The following ZNF730 variants were observed in gnomAD, a reference collection of about 807,000 sequenced individuals.
ZNF730 encodes the protein putative zinc finger protein 730.
In ZNF730, 12 loss-of-function variants were observed where a neutral mutation model predicts 12.6. The ratio of observed to expected loss-of-function variants is 0.95; its 90% CI spans 0.61 to 1.54. The LOEUF (loss-of-function observed/expected upper bound fraction) is 1.54, where lower values mean the gene tolerates loss of function less well. Ranked by LOEUF, ZNF730 falls within the 40% of genes most tolerant of loss-of-function variation. The pLI, the probability that ZNF730 is intolerant of heterozygous loss-of-function variation, is 0.00. For missense variants in ZNF730, 643 were observed against 583.5 expected, an observed-to-expected ratio of 1.10 and a Z score of -1.05; for synonymous variants, 194 against 195.8, an observed-to-expected ratio of 0.99 and a Z score of 0.08.
intron 1 of ZNF730, among the ~76,000 whole-genome samples, chr19:23,102,088 T>A (rs1599579660): frequency 6.6e-6 from 1 of 152,182 alleles, no homozygotes; most frequent in African/African-American, 2.4e-5. Context: ...TTGTGACATA[T>A]CTCTGCATCA....
upstream of ZNF730, among the ~76,000 whole-genome samples, chr19:23,115,928 T>C (rs576875392): frequency 6.6e-6 from 1 of 152,386 alleles, no homozygotes; most frequent in South Asian, 2.1e-4. Context: ...GGTTGATTAC[T>C]AGTTACCTTC....
intron 1 of ZNF730, among the ~76,000 whole-genome samples, chr19:23,095,812 A>G (rs1437873199): frequency 6.6e-6 from 1 of 152,098 alleles, no homozygotes; most frequent in Non-Finnish European, 1.5e-5. Flanking sequence ...CACTGAGGTG[A>G]TTTGACTGTC....
At chr19:23,134,300 CTT>C in intron 2 of ZNF730, 94 bp downstream of exon 2, 1 of 1,078,404 alleles carries the variant, frequency 9.3e-7, no homozygotes, top group South Asian at 1.8e-5. Flanking sequence ...GGGTTTTTTT[CTT>C]TTTCTTTTTC....
intron 1 of ZNF730, among the ~76,000 whole-genome samples, chr19:23,088,030 G>A (rs555107287): frequency 4.7e-4 from 71 of 151,290 alleles, no homozygotes; most frequent in Non-Finnish European, 8.9e-4. Flanking sequence ...TGTTTGTTTG[G>A]TTTTTTGAGA....
chr19:23,114,346 A>G (rs1453517252), upstream of ZNF730, among the ~76,000 whole-genome samples: 209 of 104,470 alleles, frequency 2.0e-3, 4 homozygotes, highest in African/African-American at 8.1e-3. Context: ...TCGCTTTGTC[A>G]CCCAGGCTGG....
intron 1 of ZNF730, among the ~76,000 whole-genome samples, chr19:23,090,010 G>T (rs1165394755): frequency 6.6e-6 from 1 of 152,182 alleles, no homozygotes. Flanking sequence ...CACTTTGAGA[G>T]GCTGAGGAGG....
intron 1 of ZNF730, among the ~76,000 whole-genome samples, chr19:23,130,012 A>T (rs1970727706): frequency 7.0e-6 from 1 of 143,448 alleles, no homozygotes; most frequent in African/African-American, 2.6e-5. Flanking sequence ...AAAAAAAAAG[A>T]CTTTGGGGGA....
At chr19:23,133,833 TTACTTCA>T (rs1408715262) in intron 1 of ZNF730, among the ~76,000 whole-genome samples, 6 of 31,520 alleles carry the variant, frequency 1.9e-4, no homozygotes, top group Non-Finnish European at 6.8e-4. Flanking sequence ...TGTTCATGTC[TTACTTCA>T]TCATCTGGAA....
chr19:23,136,911 C>T (rs1349106654), intron 3 of ZNF730, among the ~76,000 whole-genome samples: 1 of 152,174 alleles, frequency 6.6e-6, no homozygotes, highest in Non-Finnish European at 1.5e-5. Flanking sequence ...TGGCTCACAC[C>T]TGTAATCCCA....
intron 1 of ZNF730, among the ~76,000 whole-genome samples, chr19:23,083,316 C>G (rs1053509296): frequency 4.0e-5 from 6 of 151,706 alleles, no homozygotes; most frequent in Non-Finnish European, 5.9e-5. Context: ...CCCAGCTACT[C>G]GGGAGGCTGA....
At chr19:23,076,258 G>A (rs1030958784) in intron 1 of ZNF730, among the ~76,000 whole-genome samples, 13 of 152,086 alleles carry the variant, frequency 8.5e-5, no homozygotes, top group African/African-American at 3.1e-4. Context: ...AGCAGTGGAT[G>A]GTGGCAGGTT....
At chr19:23,117,305 C>T (rs1026400163) in intron 1 of ZNF730, 129 bp downstream of exon 1, 63 of 1,552,154 alleles carry the variant, frequency 4.1e-5, no homozygotes, top group Non-Finnish European at 5.2e-5. Context: ...TCTTGCCCAG[C>T]TCGGCCTCAG....
At chr19:23,076,500 A>G (rs567568085) in intron 1 of ZNF730, among the ~76,000 whole-genome samples, 4 of 152,276 alleles carry the variant, frequency 2.6e-5, no homozygotes, top group African/African-American at 9.6e-5. Context: ...CATGAGTTTC[A>G]GAACTGTCTT....
upstream of ZNF730, among the ~76,000 whole-genome samples, chr19:23,116,338 T>C (rs1970522276): frequency 6.6e-6 from 1 of 151,378 alleles, no homozygotes; most frequent in Non-Finnish European, 1.5e-5. Flanking sequence ...CTTTCTTTCC[T>C]TTCTTTCCTT....
upstream of ZNF730, among the ~76,000 whole-genome samples, chr19:23,115,873 C>T (rs980079694): frequency 2.6e-5 from 4 of 152,212 alleles, no homozygotes; most frequent in African/African-American, 9.6e-5. Context: ...CAATAGCTAA[C>T]TAATACATGC....
intron 1 of ZNF730, among the ~76,000 whole-genome samples, chr19:23,111,959 G>A (rs1272900092): frequency 6.6e-6 from 1 of 150,912 alleles, no homozygotes; most frequent in Non-Finnish European, 1.5e-5. Context: ...AATTCAAAAA[G>A]GCTTTAATGC....
chr19:23,134,540 G>A (rs1417906303), intron 2 of ZNF730, among the ~76,000 whole-genome samples: 3 of 141,816 alleles, frequency 2.1e-5, no homozygotes, highest in Non-Finnish European at 3.1e-5. Context: ...CTGCCCGGCC[G>A]CCCCTACTGG....
intron 1 of ZNF730, among the ~76,000 whole-genome samples, chr19:23,124,579 T>C (rs1292728665): frequency 3.9e-5 from 6 of 152,200 alleles, no homozygotes; most frequent in African/African-American, 1.4e-4. Flanking sequence ...CTAGCCATCT[T>C]TGAAACATTT....
chr19:23,137,409 CGTATAGTT>C (rs1970850732), intron 3 of ZNF730, among the ~76,000 whole-genome samples: 1 of 151,968 alleles, frequency 6.6e-6, no homozygotes, highest in South Asian at 2.1e-4. Flanking sequence ...GGAACCATAA[CGTATAGTT>C]GTATGTTAAT....
Sources: gnomAD v4.1 joint callset for allele counts (sites outside exome capture counted in the v4.1 genomes callset) on GRCh38, gnomAD v4.1.1 for gene constraint, MANE v1.5 for transcripts, NCBI Gene and HGNC (gene_info 2026-07-23, HGNC 2026-07-21) for gene names.